The following RBFOX1 variants were observed in gnomAD, a reference collection of about 807,000 sequenced individuals.
The protein encoded by RBFOX1 is RNA binding fox-1 homolog 1.
Under a neutral mutation model 57.7 loss-of-function variants are expected in RBFOX1, and 8 were observed. That is an observed-to-expected ratio of 0.14 (90% CI 0.08 to 0.25). The LOEUF (loss-of-function observed/expected upper bound fraction) is 0.25. Among genes scored for constraint, RBFOX1 ranks in the 10% least tolerant of loss-of-function variants. The pLI is 1.00. For missense variants in RBFOX1, 611 were observed against 548.5 expected (o/e 1.11, Z -1.14); for synonymous variants, 326 against 222.4 (o/e 1.47, Z -4.15).
rs574142897 is a variant in RBFOX1 at position 6,354,093 on chromosome 16, G to A, written c.-64+37036G>A. ...AAATTAGCCAGGCCTGGTGGCATGC[G>A]TCTGTAGTCCCAGCTACTGGGGAGG... is the stretch of plus-strand genomic sequence containing the variant. On this transcript the variant is annotated intron_variant, in intron 2 of 15. Transcript: ENST00000550418. Among the ~76,000 whole-genome samples the A allele has an allele frequency of 1.8e-4, 27 of 152,060 alleles. No individual in the cohort carries two copies. In the South Asian group the frequency reaches 1.9e-3, roughly 11 times the overall value.
At chr16:7,264,197 A>G (rs892156628) in intron 4 of RBFOX1, among the ~76,000 whole-genome samples, 3 of 152,224 alleles carry the variant, frequency 2.0e-5, no homozygotes, top group African/African-American at 7.2e-5. Flanking sequence ...CTTAGCCAGT[A>G]AACTGTGTTC....
chr16:7,196,370 C>G (rs1403322062), intron 4 of RBFOX1, among the ~76,000 whole-genome samples: 1 of 152,164 alleles, frequency 6.6e-6, no homozygotes, highest in African/African-American at 2.4e-5. Flanking sequence ...TTCACTCCCC[C>G]TCTCCCCAGC....
chr16:6,890,157 TATGGTATA>T lies in RBFOX1; in HGVS notation c.-15-161899_-15-161892del, dbSNP rs1266100463. On this transcript the variant is annotated intron_variant, in intron 3 of 15. Transcript: ENST00000550418. Reference sequence around the variant, plus strand: ...AGGTGAAAATGTGAAAGCCTAAAGGTATGGTATATGATTGAAGTTGGGAGAAACACTGC... The same window carrying T: ...AGGTGAAAATGTGAAAGCCTAAAGGTTGATTGAAGTTGGGAGAAACACTGC... Among the ~76,000 whole-genome samples the T allele has an allele frequency of 4.6e-5, 7 of 152,288 alleles. No individual in the cohort carries two copies. In the East Asian group the frequency reaches 1.4e-3, roughly 29 times the overall value.
intron 4 of RBFOX1, among the ~76,000 whole-genome samples, chr16:7,437,324 G>C (rs1189089218): frequency 4.0e-5 from 6 of 151,806 alleles, no homozygotes; most frequent in Non-Finnish European, 1.5e-5. Context: ...TTGAGGGTGG[G>C]GGAGGAGTAC....
At chr16:6,294,205 C>G (rs895523457) in intron 1 of RBFOX1, among the ~76,000 whole-genome samples, 1 of 152,056 alleles carries the variant, frequency 6.6e-6, no homozygotes, top group African/African-American at 2.4e-5. Context: ...AATAGATTTT[C>G]TGCATGGGGC....
chr16:5,735,380 G>T (rs576967098), intron 3 of RBFOX1, among the ~76,000 whole-genome samples: 1 of 152,140 alleles, frequency 6.6e-6, no homozygotes, highest in African/African-American at 2.4e-5. Flanking sequence ...TCTGAATTCC[G>T]TCCTCACAGA....
intron 4 of RBFOX1, among the ~76,000 whole-genome samples, chr16:7,272,513 G>A (rs1318704691): frequency 1.3e-5 from 2 of 152,152 alleles, no homozygotes; most frequent in African/African-American, 4.8e-5. Flanking sequence ...CATATATGTT[G>A]CTTCTTATTC....
At chr16:7,536,453 G>A (rs1016454327) in intron 5 of RBFOX1, among the ~76,000 whole-genome samples, 1 of 152,276 alleles carries the variant, frequency 6.6e-6, no homozygotes, top group East Asian at 1.9e-4. Context: ...AATTAGCCAG[G>A]TGTGGTGCTG....
At chr16:5,494,632 G>T (rs959990487) in intron 2 of RBFOX1, among the ~76,000 whole-genome samples, 1 of 152,206 alleles carries the variant, frequency 6.6e-6, no homozygotes, top group African/African-American at 2.4e-5. Flanking sequence ...CCTGTGGGCC[G>T]ATGGCAGAGG....
intron 4 of RBFOX1, among the ~76,000 whole-genome samples, chr16:7,133,881 T>C (rs919196006): frequency 6.6e-5 from 10 of 152,130 alleles, no homozygotes; most frequent in Admixed American, 1.3e-4. Context: ...CCAAAAAATA[T>C]ACAGCTAAAC....
chr16:6,175,106 A>G (rs116094254), intron 1 of RBFOX1, among the ~76,000 whole-genome samples: 3,441 of 152,320 alleles, frequency 0.023, 121 homozygotes, highest in African/African-American at 0.078. Context: ...ACTTAGAACT[A>G]TATCTCATAT....
chr16:6,348,435 C>A (rs2085741892), intron 2 of RBFOX1, among the ~76,000 whole-genome samples: 1 of 152,146 alleles, frequency 6.6e-6, no homozygotes, highest in Non-Finnish European at 1.5e-5. Flanking sequence ...CAGGGGAAAT[C>A]TCTTTGCCCT....
At chr16:6,173,604 C>CTTTTTTTTTTTTTTTTTTTT (rs35528338) in intron 1 of RBFOX1, among the ~76,000 whole-genome samples, 4 of 70,948 alleles carry the variant, frequency 5.6e-5, no homozygotes, top group African/African-American at 1.8e-4. Flanking sequence ...TGACCACTCC[C>CTTTTTTTTTTTTTTTTTTTT]TTTTTTTTTT....
intron 1 of RBFOX1, among the ~76,000 whole-genome samples, chr16:5,452,850 GC>G (rs905749969): frequency 3.0e-4 from 45 of 151,916 alleles, no homozygotes; most frequent in African/African-American, 1.1e-3. Flanking sequence ...GCTCAGGCTG[GC>G]CTCGAGTTCC....
At chr16:7,409,421 T>G (rs189959396) in intron 4 of RBFOX1, among the ~76,000 whole-genome samples, 1 of 152,342 alleles carries the variant, frequency 6.6e-6, no homozygotes, top group Non-Finnish European at 1.5e-5. Context: ...TTTTAGTGGT[T>G]GGAGAATGGC....
chr16:5,692,504 G>A (rs1433474956), intron 3 of RBFOX1, among the ~76,000 whole-genome samples: 1 of 152,150 alleles, frequency 6.6e-6, no homozygotes, highest in Non-Finnish European at 1.5e-5. Flanking sequence ...GTTGCATCCT[G>A]GTGAAGACCC....
intron 1 of RBFOX1, among the ~76,000 whole-genome samples, chr16:6,146,251 A>C (rs2096757264): frequency 6.6e-6 from 1 of 152,216 alleles, no homozygotes; most frequent in African/African-American, 2.4e-5. Flanking sequence ...TTGGGTGCTC[A>C]CAGCAGATAG....
At position 7,426,279 on chromosome 16, in the gene RBFOX1, C is replaced by T. The variant is rs373979997; in HGVS notation, c.28-91868C>T. 7.9e-4 allele frequency among the ~76,000 whole-genome samples: 120 copies of T among 152,216 alleles called. 2 individuals carry two copies. The highest frequency in any genetic ancestry group is 3.4e-3 in the Middle Eastern group (1 of 294). On this transcript the variant is annotated intron_variant, in intron 4 of 15. Coordinates refer to ENST00000550418, the MANE Select transcript of RBFOX1 (RefSeq NM_018723.4). Reference sequence around the variant, plus strand: ...GACAGTGATCCTGGCATCGTCTCCCCGCTTAATCCTTACTAGCAATTTGCC... The same window carrying T: ...GACAGTGATCCTGGCATCGTCTCCCTGCTTAATCCTTACTAGCAATTTGCC...
chr16:6,130,497 TA>T (rs1207296477), intron 1 of RBFOX1, among the ~76,000 whole-genome samples: 1 of 152,098 alleles, frequency 6.6e-6, no homozygotes, highest in Non-Finnish European at 1.5e-5. Context: ...ATGTGAAAAC[TA>T]GAAGGCAAAA....
Sources: allele counts gnomAD v4.1 joint callset (sites outside exome capture counted in the v4.1 genomes callset), GRCh38; gene constraint gnomAD v4.1.1; transcripts MANE v1.5; gene names NCBI Gene and HGNC (gene_info 2026-07-23, HGNC 2026-07-21).